The following SLC4A7 variants were observed in gnomAD, a reference collection of about 807,000 sequenced individuals.
SLC4A7 encodes solute carrier family 4 member 7.
A neutral mutation model predicts 137.6 loss-of-function variants in SLC4A7; 51 were observed. The observed-to-expected ratio is 0.37, with a 90% CI of 0.30 to 0.47. The LOEUF is 0.47. SLC4A7 is among the 20% of genes least tolerant of loss of function. The pLI, the probability that SLC4A7 is intolerant of heterozygous loss-of-function variation, is 1.00. For missense variants in SLC4A7, 1,247 were observed against 1,525.4 expected (o/e 0.82, Z 3.04); for synonymous variants, 542 against 518.6 (o/e 1.05, Z -0.61).
intron 1 of SLC4A7, among the ~76,000 whole-genome samples, chr3:27,456,125 A>G (rs1399725370): frequency 6.6e-6 from 1 of 152,226 alleles, no homozygotes; most frequent in African/African-American, 2.4e-5. Context: ...GTATTAGAAA[A>G]AAAGGATGTT....
At chr3:27,444,054 G>A (rs1194505258) in intron 3 of SLC4A7, among the ~76,000 whole-genome samples, 1 of 152,036 alleles carries the variant, frequency 6.6e-6, no homozygotes, top group Non-Finnish European at 1.5e-5. Context: ...GCTGTCCTTG[G>A]GTGAAGTGTT....
chr3:27,393,007 G>T (rs1422331212), intron 20 of SLC4A7, among the ~76,000 whole-genome samples: 1 of 151,912 alleles, frequency 6.6e-6, no homozygotes, highest in Non-Finnish European at 1.5e-5. Context: ...GGGGAGGAGG[G>T]ATAAGAATAT....
chr3:27,464,972 C>A (rs528283606), intron 1 of SLC4A7, among the ~76,000 whole-genome samples: 30 of 152,148 alleles, frequency 2.0e-4, no homozygotes, highest in South Asian at 1.0e-3. Context: ...AATTCGTAAC[C>A]CCTCACCTTT....
chr3:27,463,791 G>A (rs2058828245), intron 1 of SLC4A7, among the ~76,000 whole-genome samples: 1 of 152,126 alleles, frequency 6.6e-6, no homozygotes, highest in Non-Finnish European at 1.5e-5. Flanking sequence ...TTGGTGAGAT[G>A]GGCAGCCTGT....
chr3:27,401,227 T>A (rs1347939690), intron 15 of SLC4A7, among the ~76,000 whole-genome samples: 1 of 152,060 alleles, frequency 6.6e-6, no homozygotes. Flanking sequence ...CTCCCTCCAC[T>A]CCCCCATAGC....
chr3:27,458,577 T>C (rs1368104210), intron 1 of SLC4A7, among the ~76,000 whole-genome samples: 2 of 152,204 alleles, frequency 1.3e-5, no homozygotes, highest in Non-Finnish European at 2.9e-5. Flanking sequence ...TGATATATAC[T>C]TGGCAAATAA....
rs1158966178 is a variant in SLC4A7 at position 27,375,123 on chromosome 3, T to C, written c.*1641A>G. 2.0e-5 allele frequency: 3 copies of C among 152,034 alleles called. No individual in the cohort carries two copies. The highest frequency in any genetic ancestry group is 1.3e-4 in the Admixed American group (2 of 15,278). 9.4% of individuals were successfully genotyped at this position (152,034 alleles called of 1,614,324 possible). ...ATGGTCTTAGAGGAGGACATTACAT[T>C]AGTTAATAAATAGTTTATAATGAAT... On this transcript the variant is annotated 3_prime_UTR_variant, in exon 26 of 26. Coordinates refer to ENST00000454389, the MANE Select transcript of SLC4A7 (RefSeq NM_001321103.2).
intron 6 of SLC4A7, 105 bp from the exon 7 acceptor site, chr3:27,431,774 GC>G (rs761077666): frequency 4.0e-4 from 474 of 1,194,262 alleles, no homozygotes; most frequent in Middle Eastern, 1.4e-3. Context: ...TACTTCAAAG[GC>G]CCAAAATTTC....
At chr3:27,448,846 A>T (rs1312309166) in intron 2 of SLC4A7, 49 bp from the exon 3 acceptor site, 2 of 1,435,136 alleles carry the variant, frequency 1.4e-6, no homozygotes, top group Non-Finnish European at 1.9e-6. Flanking sequence ...AAGAGAAAAA[A>T]GTGATATATA....
chr3:27,384,623 C>G (rs866400619), intron 23 of SLC4A7, among the ~76,000 whole-genome samples: 1 of 151,736 alleles, frequency 6.6e-6, no homozygotes, highest in Non-Finnish European at 1.5e-5. Flanking sequence ...GCAATTTGGC[C>G]CATATATTTT....
chr3:27,481,744 A>T (rs897428451), intron 1 of SLC4A7, among the ~76,000 whole-genome samples: 5 of 152,188 alleles, frequency 3.3e-5, no homozygotes, highest in African/African-American at 1.2e-4. Context: ...AAGACTTAGG[A>T]GGTTTACCCT....
At chr3:27,466,448 T>G (rs551732942) in intron 1 of SLC4A7, among the ~76,000 whole-genome samples, 1 of 117,278 alleles carries the variant, frequency 8.5e-6, no homozygotes, top group East Asian at 2.1e-4. Flanking sequence ...AGACTCCGTC[T>G]CAAAAAAAAA....
intron 1 of SLC4A7, among the ~76,000 whole-genome samples, chr3:27,465,689 G>C (rs1389702734): frequency 6.6e-6 from 1 of 151,954 alleles, no homozygotes; most frequent in South Asian, 2.1e-4. Flanking sequence ...GGCCGGCACC[G>C]TGGCTCACGC....
chr3:27,466,686 A>G (rs1245912063), intron 1 of SLC4A7, among the ~76,000 whole-genome samples: 1 of 151,762 alleles, frequency 6.6e-6, no homozygotes, highest in African/African-American at 2.4e-5. Context: ...AAAATTAGCC[A>G]TCTCTATAAA....
chr3:27,393,737 G>A (rs2051833675), intron 20 of SLC4A7, among the ~76,000 whole-genome samples: 1 of 152,108 alleles, frequency 6.6e-6, no homozygotes, highest in African/African-American at 2.4e-5. Context: ...CTAACTTACA[G>A]GAGATGCAAG....
At chr3:27,476,457 T>A (rs1489179234) in intron 1 of SLC4A7, among the ~76,000 whole-genome samples, 3 of 152,232 alleles carry the variant, frequency 2.0e-5, no homozygotes, top group African/African-American at 7.2e-5. Flanking sequence ...ATTACTTGAC[T>A]AAACAACTAA....
intron 13 of SLC4A7, among the ~76,000 whole-genome samples, chr3:27,408,058 C>T (rs2053553762): frequency 6.6e-6 from 1 of 152,212 alleles, no homozygotes; most frequent in Admixed American, 6.5e-5. Flanking sequence ...AATCCTACAG[C>T]TCTTCCTTTA....
At chr3:27,397,156 G>A (rs535418105) in intron 18 of SLC4A7, among the ~76,000 whole-genome samples, 162 of 152,238 alleles carry the variant, frequency 1.1e-3, no homozygotes, top group Non-Finnish European at 1.9e-3. Flanking sequence ...AGCCTCCCGA[G>A]TAGCGGGATT....
At chr3:27,466,812 G>A (rs915825211) in intron 1 of SLC4A7, among the ~76,000 whole-genome samples, 2 of 152,104 alleles carry the variant, frequency 1.3e-5, no homozygotes, top group African/African-American at 2.4e-5. Flanking sequence ...AGCCGCGATT[G>A]CGCCACTGCA....
Sources: allele counts gnomAD v4.1 joint callset (sites outside exome capture counted in the v4.1 genomes callset), GRCh38; gene constraint gnomAD v4.1.1; transcripts MANE v1.5; gene names NCBI Gene and HGNC (gene_info 2026-07-23, HGNC 2026-07-21).